Variants in ABI3BP observed in about 807,000 individuals in gnomAD.
ABI3BP encodes ABI family member 3 binding protein.
ABI3BP carries 216 observed loss-of-function variants against 268.6 expected under a neutral mutation model. The ratio of observed to expected loss-of-function variants is 0.80; its 90% CI spans 0.72 to 0.90. The LOEUF (loss-of-function observed/expected upper bound fraction) is 0.90. Among genes scored for constraint, ABI3BP ranks in the 40% least tolerant of loss-of-function variants. The probability of loss-of-function intolerance (pLI) is 0.00; values close to 1 mark genes in which losing one functional copy is unlikely to be tolerated. For missense variants in ABI3BP, 2,090 were observed against 2,182.4 expected (o/e 0.96, Z 0.84); for synonymous variants, 730 against 730.0 (o/e 1.00, Z 0.00).
intron 9 of ABI3BP, among the ~76,000 whole-genome samples, chr3:100,871,826 GTTCTT>G (rs1581343921): frequency 2.0e-5 from 3 of 152,222 alleles, no homozygotes; most frequent in Middle Eastern, 3.4e-3. Flanking sequence ...TTTTCTATGT[GTTCTT>G]TTATTATTAG....
At chr3:100,874,815 T>C (rs115069916) in intron 9 of ABI3BP, 26 bp downstream of exon 9, 44,960 of 1,430,706 alleles carry the variant, frequency 0.031, 856 homozygotes, top group Middle Eastern at 0.039. Flanking sequence ...TACTGCAAAG[T>C]TCAAATACAA....
At chr3:100,841,182 G>A (rs1262488724) in intron 21 of ABI3BP, among the ~76,000 whole-genome samples, 2 of 130,260 alleles carry the variant, frequency 1.5e-5, no homozygotes, top group Admixed American at 8.1e-5. Context: ...TGGCTAAGAT[G>A]GCATTAGAAC....
At chr3:100,970,359 A>T (rs1187668344) in intron 1 of ABI3BP, among the ~76,000 whole-genome samples, 1 of 152,180 alleles carries the variant, frequency 6.6e-6, no homozygotes, top group Non-Finnish European at 1.5e-5. Flanking sequence ...CCCATTGGAC[A>T]CCTGGGGAAG....
chr3:100,963,524 A>G (rs949504797), intron 1 of ABI3BP, among the ~76,000 whole-genome samples: 3 of 152,238 alleles, frequency 2.0e-5, no homozygotes, highest in African/African-American at 7.2e-5. Flanking sequence ...TACACTGGTA[A>G]CCAGAGATGT....
chr3:100,933,624 A>G, intron 1 of ABI3BP, among the ~76,000 whole-genome samples: 1 of 46,658 alleles, frequency 2.1e-5, no homozygotes, highest in Non-Finnish European at 4.7e-5. Context: ...TTGGGAGACA[A>G]TATTTGCAAT....
At chr3:100,807,009 G>A (rs753554488) in intron 50 of ABI3BP, among the ~76,000 whole-genome samples, 2 of 151,804 alleles carry the variant, frequency 1.3e-5, no homozygotes, top group African/African-American at 2.4e-5. Flanking sequence ...ATTTTTTACT[G>A]ACCATGATTC....
intron 53 of ABI3BP, among the ~76,000 whole-genome samples, chr3:100,795,584 A>G: frequency 6.6e-6 from 1 of 152,096 alleles, no homozygotes; most frequent in East Asian, 1.9e-4. Context: ...AGATGAAGTA[A>G]ATGAAGATGT....
At chr3:100,891,364 G>A (rs2044561638) in intron 4 of ABI3BP, among the ~76,000 whole-genome samples, 1 of 152,154 alleles carries the variant, frequency 6.6e-6, no homozygotes, top group Non-Finnish European at 1.5e-5. Context: ...ATAACATAAA[G>A]TAAATAATAT....
At chr3:100,933,637 A>ATG (rs1178511185) in intron 1 of ABI3BP, among the ~76,000 whole-genome samples, 1 of 149,848 alleles carries the variant, frequency 6.7e-6, no homozygotes, top group Non-Finnish European at 1.5e-5. Context: ...TTTGCAATAT[A>ATG]TATATATATC....
chr3:100,920,553 G>T (rs1334760892), intron 2 of ABI3BP, among the ~76,000 whole-genome samples: 1 of 151,966 alleles, frequency 6.6e-6, no homozygotes, highest in Non-Finnish European at 1.5e-5. Flanking sequence ...TTCCTGAGTA[G>T]CTGGGATTAC....
Position 100,840,128 on chromosome 3 carries a change from CG to C in ABI3BP, c.1840del (p.Arg614AlafsTer95). 2 of 1,150,378 alleles carry C rather than the reference CG, an allele frequency of 1.7e-6. No homozygotes were observed. Among genetic ancestry groups the C allele is most frequent in the South Asian group, 1.8e-5 (1 of 56,322 alleles). 71.3% of individuals were successfully genotyped at this position (1,150,378 alleles called of 1,614,324 possible). ...TGTGGTTTTAGGGCGGGGACGGGGG[CG>C]GGGGCGACGACCTGGTCTTTTGGTC... ...RKTKRPGRRP[R>X]PRPRPKTTPS... On this transcript the variant is annotated frameshift_variant, in exon 23 of 68. Coordinates refer to ENST00000471714, the MANE Select transcript of ABI3BP (RefSeq NM_001375547.2). LOFTEE classifies it high-confidence loss of function.
rs1009036964 is a variant in ABI3BP at position 100,828,330 on chromosome 3, C to T, written c.2602+63G>A. On this transcript the variant is annotated intron_variant, in intron 34 of 67. Transcript: ENST00000471714. Reference sequence around the variant, plus strand: ...AAAAATGTAATTGAATGGCAATATACAGTGGAATAAGCTTGACAGTGAGCA... The same window carrying T: ...AAAAATGTAATTGAATGGCAATATATAGTGGAATAAGCTTGACAGTGAGCA... 2.7e-5 allele frequency: 39 copies of T among 1,419,322 alleles called. No homozygotes were observed. In the East Asian group the frequency reaches 9.4e-4, roughly 34 times the overall value. The allele number at this position is 1,419,322 out of a possible 1,614,324, so 87.9% of individuals were successfully genotyped here. A position where few individuals can be genotyped will look rare whatever the true frequency, so the allele number is the denominator to read the frequency against.
At chr3:100,939,569 G>A (rs2067904001) in intron 1 of ABI3BP, among the ~76,000 whole-genome samples, 1 of 152,068 alleles carries the variant, frequency 6.6e-6, no homozygotes, top group Admixed American at 6.6e-5. Context: ...ATTTTCAAAA[G>A]GGGAGGGAGT....
At chr3:100,880,114 T>G (rs1392912025) in intron 6 of ABI3BP, among the ~76,000 whole-genome samples, 2 of 152,196 alleles carry the variant, frequency 1.3e-5, no homozygotes, top group Non-Finnish European at 2.9e-5. Context: ...CTTTCCTTAC[T>G]TTTTCTAGGC....
intron 20 of ABI3BP, chr3:100,844,116 TC>T: frequency 1.0e-6 from 1 of 984,576 alleles, no homozygotes; most frequent in African/African-American, 1.7e-5. Context: ...TATAAAATGT[TC>T]CATAACAAAG....
intron 1 of ABI3BP, among the ~76,000 whole-genome samples, chr3:100,962,624 G>C (rs1448869401): frequency 6.6e-6 from 1 of 152,080 alleles, no homozygotes; most frequent in Non-Finnish European, 1.5e-5. Flanking sequence ...GACTTCACTA[G>C]ATTCACTAGA....
At position 100,862,417 on chromosome 3, in the gene ABI3BP, ATTTT is replaced by A. The variant is rs10567225; in HGVS notation, c.1211-36_1211-33del. On this transcript the variant is annotated intron_variant, in intron 13 of 67. Transcript: ENST00000471714. Reference sequence around the variant, plus strand: ...TGAAAAGAAATGGAATTTGCTGAAGATTTTTTTTTTTTTTAACAGGAGAACGAGA... The same window carrying A: ...TGAAAAGAAATGGAATTTGCTGAAGATTTTTTTTTTAACAGGAGAACGAGA... The A allele has an allele frequency of 5.5e-6, 7 of 1,275,968 alleles. No individual in the cohort carries two copies. In the African/African-American group the frequency reaches 7.7e-5, roughly 14 times the overall value. The allele number at this position is 1,275,968 out of a possible 1,614,324, so 79.0% of individuals were successfully genotyped here.
intron 4 of ABI3BP, among the ~76,000 whole-genome samples, chr3:100,887,503 T>A (rs1274560384): frequency 2.0e-5 from 3 of 152,038 alleles, no homozygotes; most frequent in Non-Finnish European, 4.4e-5. Flanking sequence ...AAATAGGATT[T>A]GAGATGGGGT....
At chr3:100,968,888 G>A (rs2082372263) in intron 1 of ABI3BP, among the ~76,000 whole-genome samples, 3 of 151,754 alleles carry the variant, frequency 2.0e-5, no homozygotes, top group Admixed American at 6.6e-5. Context: ...CCCTTCCTGT[G>A]TCCATATGTT....
Sources: allele counts gnomAD v4.1 joint callset (sites outside exome capture counted in the v4.1 genomes callset), GRCh38; gene constraint gnomAD v4.1.1; transcripts MANE v1.5; gene names NCBI Gene and HGNC (gene_info 2026-07-23, HGNC 2026-07-21).